RCSD1: variants seen among roughly 807,000 people sequenced by gnomAD.
RCSD1 encodes RCSD domain containing 1.
A neutral mutation model predicts 42.5 loss-of-function variants in RCSD1; 26 were observed. The ratio of observed to expected loss-of-function variants is 0.61; its 90% CI spans 0.45 to 0.85. RCSD1 has a LOEUF of 0.85. RCSD1 is among the 40% of genes least tolerant of loss of function. The probability of loss-of-function intolerance (pLI) is 0.00; values close to 1 mark genes in which losing one functional copy is unlikely to be tolerated. For missense variants in RCSD1, 571 were observed against 528.3 expected (o/e 1.08, Z -0.79); for synonymous variants, 220 against 212.2 (o/e 1.04, Z -0.32).
At position 167,630,248 on chromosome 1, in the gene RCSD1, C is replaced by T; in HGVS notation, c.-176C>T. On this transcript the variant is annotated 5_prime_UTR_variant, in exon 1 of 7. Transcript: ENST00000367854. ...TTCCTCGTTCTCTCGCGCAGGGCCC[C>T]CGCGGCCGGGGCAGTCCCGCAGCCG... The T allele has an allele frequency of 2.2e-6, 1 of 464,878 alleles. No individual in the cohort carries two copies. The allele number at this position is 464,878 out of a possible 1,614,324, so 28.8% of individuals were successfully genotyped here.
intron 1 of RCSD1, among the ~76,000 whole-genome samples, chr1:167,655,730 T>C (rs1209038855): frequency 1.3e-5 from 2 of 152,164 alleles, no homozygotes; most frequent in Non-Finnish European, 2.9e-5. Context: ...GGTTGTTGAG[T>C]TCCTAGCTAC....
chr1:167,674,410 C>G (rs946250607), intron 1 of RCSD1, among the ~76,000 whole-genome samples: 1 of 152,176 alleles, frequency 6.6e-6, no homozygotes, highest in African/African-American at 2.4e-5. Flanking sequence ...ATTGGCCCCT[C>G]CTACCCACAA....
intron 1 of RCSD1, among the ~76,000 whole-genome samples, chr1:167,663,064 C>T (rs1268616642): frequency 6.6e-6 from 1 of 152,234 alleles, no homozygotes; most frequent in Admixed American, 6.5e-5. Context: ...GCTCCTCTGA[C>T]TGCTGGGTCA....
At chr1:167,646,358 C>G (rs907760308) in intron 1 of RCSD1, among the ~76,000 whole-genome samples, 1 of 149,762 alleles carries the variant, frequency 6.7e-6, no homozygotes, top group Admixed American at 6.7e-5. Context: ...CAGCTCGGGA[C>G]AGCCCTCACA....
intron 1 of RCSD1, among the ~76,000 whole-genome samples, chr1:167,669,852 G>A (rs1571691429): frequency 6.6e-6 from 1 of 152,182 alleles, no homozygotes. Context: ...GTTGGGAGAC[G>A]CTGTAACAGG....
intron 1 of RCSD1, among the ~76,000 whole-genome samples, chr1:167,642,363 T>C (rs1658027940): frequency 6.6e-6 from 1 of 152,202 alleles, no homozygotes; most frequent in Admixed American, 6.5e-5. Context: ...CGCTTGAGTC[T>C]TACACGGCTT....
intron 1 of RCSD1, among the ~76,000 whole-genome samples, chr1:167,675,674 GA>G (rs1322936354): frequency 2.6e-5 from 4 of 152,162 alleles, no homozygotes; most frequent in African/African-American, 9.6e-5. Flanking sequence ...GCCATAAAAC[GA>G]AACTCAGCTG....
At chr1:167,677,536 C>T (rs1451981302) in intron 1 of RCSD1, among the ~76,000 whole-genome samples, 1 of 152,148 alleles carries the variant, frequency 6.6e-6, no homozygotes, top group South Asian at 2.1e-4. Flanking sequence ...ATTGGGGAAA[C>T]AGGAAGAAAT....
rs547085916 is a variant in RCSD1 at position 167,707,513 on chromosome 1, C to G, written c.*2817C>G. Among the ~76,000 whole-genome samples the G allele has an allele frequency of 6.6e-6, 1 of 152,298 alleles. No homozygotes were observed. The highest frequency in any genetic ancestry group is 1.9e-4 in the East Asian group (1 of 5,194). On this transcript the variant is annotated 3_prime_UTR_variant, in exon 7 of 7. Transcript: ENST00000367854. ...GAACTGAAAAAAACAAACCTAAATA[C>G]AGTCACCCAAGTGATGTCAGGAATC...
intron 1 of RCSD1, among the ~76,000 whole-genome samples, chr1:167,676,420 C>T (rs551807541): frequency 3.3e-5 from 5 of 152,318 alleles, no homozygotes; most frequent in African/African-American, 1.2e-4. Flanking sequence ...GCCTCATTTA[C>T]AAACAAGGAA....
intron 1 of RCSD1, among the ~76,000 whole-genome samples, chr1:167,639,663 T>A (rs1273672939): frequency 6.6e-6 from 1 of 152,216 alleles, no homozygotes; most frequent in Non-Finnish European, 1.5e-5. Context: ...CAGCTAATTT[T>A]TGTATTTTTT....
rs776700784 is a variant in RCSD1, at chr1:167,708,210, C to T, written c.*3514C>T. Among the ~76,000 whole-genome samples the T allele has an allele frequency of 6.6e-6, 1 of 152,180 alleles. No homozygotes were observed. Among genetic ancestry groups the T allele is most frequent in the Non-Finnish European group, 1.5e-5 (1 of 68,032 alleles). ...TAGGTGAGTCAATCCTGCACTTTCT[C>T]TACAAGGCTTGCAAAGGTGAGCAAG... On this transcript the variant is annotated 3_prime_UTR_variant, in exon 7 of 7. Transcript: ENST00000367854.
chr1:167,685,431 G>A lies in RCSD1; in HGVS notation c.119G>A (p.Ser40Asn). ...TCGCCCTCCCTCCAGACACCAGCCA[G>A]TAAACCAACCCGAAGGAAACCGCCC... ...QAAAAKETPA[S>N]KPTRRKPPCS... is the part of the protein sequence containing the mutation. Residue 40 changes from serine to asparagine, a missense_variant, in exon 3 of 7, where the codon AGT (serine) becomes AAT (asparagine). Transcript: ENST00000367854. 1 of 1,613,616 alleles carries A rather than the reference G, an allele frequency of 6.2e-7. No homozygotes were observed.
rs775053671 is a variant in RCSD1 at position 167,697,779 on chromosome 1, C to T, written c.1155C>T (p.Thr385=). The T allele has an allele frequency of 1.0e-5, 15 of 1,493,232 alleles. No homozygotes were observed. The highest frequency in any genetic ancestry group is 4.7e-5 in the East Asian group (2 of 42,382). The allele number at this position is 1,493,232 out of a possible 1,614,324, so 92.5% of individuals were successfully genotyped here. A position where few individuals can be genotyped will look rare whatever the true frequency, so the allele number is the denominator to read the frequency against. ...TCGAGCCAGGCTGCAGCCCCCAGAC[C>T]GGCCCTGCCCAGCTGGAGACCAGCA... ...AVLEPGCSPQ[T]GPAQLETSSE... The change falls in exon 6 of 7, where the codon ACC becomes ACT. Residue 385 remains threonine (T), a synonymous_variant. Coordinates refer to ENST00000367854, the MANE Select transcript of RCSD1 (RefSeq NM_052862.4).
intron 1 of RCSD1, among the ~76,000 whole-genome samples, chr1:167,639,323 A>C (rs1657948270): frequency 6.6e-6 from 1 of 152,238 alleles, no homozygotes; most frequent in Non-Finnish European, 1.5e-5. Context: ...AAATGAACTC[A>C]TATATAATGA....
Position 167,690,083 on chromosome 1 carries a change from T to C in RCSD1, c.233T>C (p.Phe78Ser). 1.2e-6 allele frequency: 2 copies of C among 1,614,116 alleles called. No individual in the cohort carries two copies. The highest frequency in any genetic ancestry group is 1.7e-6 in the Non-Finnish European group (2 of 1,180,006). ...SPPNASHPPK[F>S]KVKSSPLIEK... is the part of the protein sequence containing the mutation. ...CCCAATGCGAGCCACCCTCCTAAAT[T>C]CAAGGTCAAGAGCTCGCCTCTGATT... The change falls in exon 4 of 7, where the codon TTC (phenylalanine) becomes TCC (serine). Residue 78 changes from phenylalanine to serine, a missense_variant. Physicochemically the swap from Phe to Ser is radical, Grantham distance 155. Transcript: ENST00000367854.
chr1:167,655,306 G>T (rs1256540513), intron 1 of RCSD1, among the ~76,000 whole-genome samples: 1 of 152,200 alleles, frequency 6.6e-6, no homozygotes, highest in Non-Finnish European at 1.5e-5. Context: ...TTGCAGAGAG[G>T]AAATGGCTCA....
intron 1 of RCSD1, among the ~76,000 whole-genome samples, chr1:167,636,420 C>A (rs1657851561): frequency 6.6e-6 from 1 of 152,212 alleles, no homozygotes; most frequent in African/African-American, 2.4e-5. Context: ...AAATTTGAGT[C>A]AGCATCATAG....
intron 3 of RCSD1, among the ~76,000 whole-genome samples, chr1:167,688,070 G>A (rs1376735837): frequency 6.6e-6 from 1 of 152,206 alleles, no homozygotes; most frequent in East Asian, 1.9e-4. Context: ...CTTGCCTGAA[G>A]CCCCTTGTTA....
Sources: gnomAD v4.1 joint callset for allele counts (sites outside exome capture counted in the v4.1 genomes callset) on GRCh38, gnomAD v4.1.1 for gene constraint, MANE v1.5 for transcripts, NCBI Gene and HGNC (gene_info 2026-07-23, HGNC 2026-07-21) for gene names.